The following USP28 variants were observed in gnomAD, a reference collection of about 807,000 sequenced individuals.
USP28 encodes the protein ubiquitin specific peptidase 28, also known as ubiquitin carboxyl-terminal hydrolase 28.
USP28 carries 113 observed loss-of-function variants against 145.0 expected under a neutral mutation model. The ratio of observed to expected loss-of-function variants is 0.78; its 90% CI spans 0.67 to 0.91. USP28 has a LOEUF of 0.91. USP28 is among the 40% of genes least tolerant of loss of function. The pLI is 0.00. For synonymous variants in USP28, 447 were observed against 450.9 expected (o/e 0.99, Z 0.11); for missense variants, 1,201 against 1,289.6 (o/e 0.93, Z 1.05).
In USP28 at chr11:113,806,401, A is replaced by T. The variant is rs1939963134; in HGVS notation, c.2400+88T>A. The T allele has an allele frequency of 3.5e-6, 4 of 1,148,270 alleles. No individual in the cohort carries two copies. The South Asian group carries it at 4.2e-5, about 12-fold the overall frequency. 71.1% of individuals were successfully genotyped at this position (1,148,270 alleles called of 1,614,324 possible). On this transcript the variant is annotated intron_variant, in intron 19 of 24. Coordinates refer to ENST00000003302, the Ensembl canonical transcript of USP28. ...TGCACACACCACCACACCCAGCCTT[A>T]ACCCCATTTTTTCCCTTCTTATAGA...
chr11:113,873,595 A>T (rs1741604536), intron 1 of USP28, among the ~76,000 whole-genome samples: 1 of 152,204 alleles, frequency 6.6e-6, no homozygotes, highest in Non-Finnish European at 1.5e-5. Context: ...GACAAATTTA[A>T]ATATGACTTC....
intron 3 of USP28, among the ~76,000 whole-genome samples, chr11:113,849,068 GTC>G (rs1946181468): frequency 6.6e-6 from 1 of 152,202 alleles, no homozygotes; most frequent in Admixed American, 6.5e-5. Context: ...GCTGGCGGAT[GTC>G]AGAGAAACAC....
chr11:113,875,345 C>A (rs1949270245), intron 1 of USP28, 100 bp downstream of exon 1: 1 of 999,870 alleles, frequency 1.0e-6, no homozygotes, highest in Non-Finnish European at 1.2e-6. Flanking sequence ...CCGGCCGGGG[C>A]GCCCTCCGCA....
At chr11:113,870,933 C>G (rs575174975) in intron 1 of USP28, among the ~76,000 whole-genome samples, 1 of 151,154 alleles carries the variant, frequency 6.6e-6, no homozygotes, top group Admixed American at 6.7e-5. Context: ...GCAATAGACA[C>G]TTTTGTTGTT....
chr11:113,862,325 C>T (rs1300506234), intron 1 of USP28, among the ~76,000 whole-genome samples: 5 of 152,032 alleles, frequency 3.3e-5, no homozygotes, highest in South Asian at 2.1e-4. Context: ...CCAGCCTGGG[C>T]GACAAGAGCA....
intron 12 of USP28, among the ~76,000 whole-genome samples, chr11:113,818,961 C>T (rs2135576561): frequency 6.6e-6 from 1 of 151,394 alleles, no homozygotes; most frequent in South Asian, 2.1e-4. Flanking sequence ...ACTTTTAGGA[C>T]CAACTACTTC....
Position 113,803,282 on chromosome 11 carries a change from C to T in USP28, c.2739-1G>A. ...CAGGTAGGAAAGTGCCTCTTGGTAC[C>T]TTAGAAAAATGGGAGATAAACAACA... On this transcript the variant is annotated splice_acceptor_variant, in intron 22 of 24. Transcript: ENST00000003302. LOFTEE classifies it high-confidence loss of function. 1 of 1,602,584 alleles carries T rather than the reference C, an allele frequency of 6.2e-7. No homozygotes were observed. The highest frequency in any genetic ancestry group is 8.5e-7 in the Non-Finnish European group (1 of 1,176,390).
chr11:113,870,596 T>C (rs952197636), intron 1 of USP28, among the ~76,000 whole-genome samples: 2 of 152,252 alleles, frequency 1.3e-5, no homozygotes, highest in Non-Finnish European at 2.9e-5. Context: ...CCTAACCTGC[T>C]GCTGCCTAGT....
chr11:113,866,927 A>C (rs1465287736), intron 1 of USP28, among the ~76,000 whole-genome samples: 1 of 152,242 alleles, frequency 6.6e-6, no homozygotes, highest in African/African-American at 2.4e-5. Flanking sequence ...CAGGCAAAAC[A>C]TATCTATACA....
At chr11:113,859,410 C>A (rs1591461900) in intron 1 of USP28, 1 of 151,700 alleles carries the variant, frequency 6.6e-6, no homozygotes, top group African/African-American at 2.4e-5. Flanking sequence ...GGACCCTGTG[C>A]AAGAATAACA....
At chr11:113,803,899 T>C in intron 21 of USP28, 22 bp from the exon 23 acceptor site, 1 of 1,598,388 alleles carries the variant, frequency 6.3e-7, no homozygotes, top group South Asian at 1.1e-5. Context: ...TGACGATTAT[T>C]AATAATCATG....
At chr11:113,841,986 A>C (rs1016314902) in intron 3 of USP28, among the ~76,000 whole-genome samples, 2 of 152,228 alleles carry the variant, frequency 1.3e-5, no homozygotes, top group Admixed American at 1.3e-4. Context: ...TGCAAAAATC[A>C]AATGAACCAA....
At chr11:113,843,542 A>G (rs1228139845) in intron 3 of USP28, among the ~76,000 whole-genome samples, 1 of 149,178 alleles carries the variant, frequency 6.7e-6, no homozygotes, top group Admixed American at 6.7e-5. Flanking sequence ...GCGGTGGTGT[A>G]TGCCTGTAAT....
At chr11:113,803,107 G>A (rs754823985) in intron 23 of USP28, 51 bp downstream of exon 24, 2 of 1,563,010 alleles carry the variant, frequency 1.3e-6, no homozygotes, top group East Asian at 2.3e-5. Context: ...TGGCTTCAAG[G>A]AGCAGAGGTA....
intron 1 of USP28, among the ~76,000 whole-genome samples, chr11:113,875,148 T>C (rs973956846): frequency 2.0e-5 from 3 of 152,218 alleles, no homozygotes; most frequent in African/African-American, 7.2e-5. Flanking sequence ...AGGGCTCACC[T>C]TACTGATCCC....
intron 24 of USP28, 27 bp downstream of exon 25, chr11:113,801,456 C>T (rs1398895387): frequency 6.7e-7 from 1 of 1,499,702 alleles, no homozygotes; most frequent in African/African-American, 1.4e-5. Context: ...CTCAAAACCT[C>T]AGAATATTAT....
exon 25 of USP28, chr11:113,799,106 G>T: frequency 2.1e-6 from 2 of 961,980 alleles, no homozygotes; most frequent in Non-Finnish European, 3.1e-6. Context: ...CTTTACACAT[G>T]CAGCATGGTT....
intron 1 of USP28, chr11:113,874,904 G>A (rs986693499): frequency 1.5e-5 from 15 of 1,002,878 alleles, no homozygotes; most frequent in Non-Finnish European, 1.8e-5. Flanking sequence ...GCAATAATTG[G>A]GGAGGCTGCG....
At chr11:113,819,396 A>C (rs1198234358) in intron 12 of USP28, among the ~76,000 whole-genome samples, 1 of 152,090 alleles carries the variant, frequency 6.6e-6, no homozygotes, top group Non-Finnish European at 1.5e-5. Context: ...TACAGGTGTG[A>C]GCCACTGTGC....
Sources: gnomAD v4.1 joint callset for allele counts (sites outside exome capture counted in the v4.1 genomes callset) on GRCh38, gnomAD v4.1.1 for gene constraint, MANE v1.5 for transcripts, NCBI Gene and HGNC (gene_info 2026-07-23, HGNC 2026-07-21) for gene names.